Variants in WHRN observed in about 807,000 individuals in gnomAD.
WHRN encodes whirlin.
WHRN carries 41 observed loss-of-function variants against 68.3 expected under a neutral mutation model. That is an observed-to-expected ratio of 0.60 (90% CI 0.47 to 0.78). The LOEUF (loss-of-function observed/expected upper bound fraction) is 0.78. WHRN is among the 30% of genes least tolerant of loss of function. WHRN has a pLI of 0.00. For synonymous variants in WHRN, 560 were observed against 561.3 expected (o/e 1.00, Z 0.03); for missense variants, 1,243 against 1,244.7 (o/e 1.00, Z 0.02).
chr9:114,447,592 G>C (rs1838936977), intron 3 of WHRN, among the ~76,000 whole-genome samples: 1 of 152,146 alleles, frequency 6.6e-6, no homozygotes, highest in Non-Finnish European at 1.5e-5. Flanking sequence ...TTGAAAGCAA[G>C]ACCCCATGTG....
At chr9:114,481,329 T>C (rs1842079366) in intron 1 of WHRN, among the ~76,000 whole-genome samples, 1 of 152,228 alleles carries the variant, frequency 6.6e-6, no homozygotes, top group Admixed American at 6.5e-5. Context: ...CTCTCCAAAA[T>C]TCTGCTTTTA....
chr9:114,467,106 T>A (rs761719917), intron 2 of WHRN, among the ~76,000 whole-genome samples: 3 of 146,906 alleles, frequency 2.0e-5, no homozygotes, highest in Non-Finnish European at 4.5e-5. Flanking sequence ...ACTTCAGGAG[T>A]CTCCTATTTC....
chr9:114,424,864 G>T, intron 5 of WHRN, 124 bp downstream of exon 5: 1 of 1,090,076 alleles, frequency 9.2e-7, no homozygotes, highest in Non-Finnish European at 1.4e-6. Flanking sequence ...TGGGGGGTGG[G>T]CAGATAAGGG....
In WHRN at chr9:114,438,454, C is replaced by CT. The variant is rs869187937; in HGVS notation, c.964-12042dup. On this transcript the variant is annotated intron_variant, in intron 3 of 11. Transcript: ENST00000362057. ...AACGGAATCCCACTTTCTTTTTTTT[C>CT]TTTTTTTTTTTTTTTTGAGACAGAG... Among the ~76,000 whole-genome samples, 526 of 134,154 alleles carry CT rather than the reference C, an allele frequency of 3.9e-3. 3 individuals carry two copies. The highest frequency in any genetic ancestry group is 6.6e-3 in the African/African-American group (239 of 36,368). The allele number at this position is 134,154 out of a possible 152,430, so 88.0% of individuals were successfully genotyped here. A position where few individuals can be genotyped will look rare whatever the true frequency, so the allele number is the denominator to read the frequency against.
intron 1 of WHRN, among the ~76,000 whole-genome samples, chr9:114,486,440 G>A (rs1287620842): frequency 3.3e-5 from 5 of 152,130 alleles, no homozygotes; most frequent in Admixed American, 6.5e-5. Flanking sequence ...GTTCCTTGAG[G>A]CACATTACAT....
intron 1 of WHRN, among the ~76,000 whole-genome samples, chr9:114,500,135 A>G (rs1843797349): frequency 6.6e-6 from 1 of 152,246 alleles, no homozygotes; most frequent in African/African-American, 2.4e-5. Flanking sequence ...TAAATTAAAG[A>G]AATGGATATG....
chr9:114,448,202 T>TTC (rs1344233314), intron 3 of WHRN, among the ~76,000 whole-genome samples: 1 of 152,134 alleles, frequency 6.6e-6, no homozygotes, highest in Non-Finnish European at 1.5e-5. Flanking sequence ...ATTCAGTGAC[T>TTC]TCTGCCCGTA....
At chr9:114,407,846 C>T in intron 8 of WHRN, 101 bp downstream of exon 8, 2 of 1,018,174 alleles carry the variant, frequency 2.0e-6, no homozygotes, top group Admixed American at 2.0e-5. Context: ...TCTCCTTTGC[C>T]ACCCTGTGCC....
intron 7 of WHRN, among the ~76,000 whole-genome samples, chr9:114,410,886 G>A (rs985016961): frequency 6.6e-6 from 1 of 152,236 alleles, no homozygotes; most frequent in Non-Finnish European, 1.5e-5. Context: ...TCACTGATTA[G>A]TGACACTGGT....
intron 3 of WHRN, among the ~76,000 whole-genome samples, chr9:114,455,874 C>T (rs1218067796): frequency 1.3e-5 from 2 of 152,100 alleles, no homozygotes; most frequent in East Asian, 1.9e-4. Flanking sequence ...ATCTACCAGA[C>T]ATCACAGCTG....
chr9:114,496,227 G>A (rs545635402), intron 1 of WHRN, among the ~76,000 whole-genome samples: 5 of 152,246 alleles, frequency 3.3e-5, no homozygotes, highest in Middle Eastern at 3.4e-3. Flanking sequence ...GGACAATGCT[G>A]TCACACTCTG....
chr9:114,423,991 C>A (rs1836560192), intron 6 of WHRN, among the ~76,000 whole-genome samples: 1 of 152,198 alleles, frequency 6.6e-6, no homozygotes, highest in Non-Finnish European at 1.5e-5. Context: ...ACCTGGAGGG[C>A]TTGTGAAGAT....
At chr9:114,442,699 C>T (rs1838477132) in intron 3 of WHRN, among the ~76,000 whole-genome samples, 1 of 152,148 alleles carries the variant, frequency 6.6e-6, no homozygotes, top group South Asian at 2.1e-4. Flanking sequence ...CTCTCTCTTG[C>T]TCCCTCTCTT....
chr9:114,425,818 T>C (rs1364546225), intron 4 of WHRN: 1 of 319,644 alleles, frequency 3.1e-6, no homozygotes, highest in Non-Finnish European at 6.0e-6. Context: ...CTTCATGGGA[T>C]CCAGCCTGGT....
intron 9 of WHRN, among the ~76,000 whole-genome samples, chr9:114,405,066 CTCTCTTT>C (rs1472132576): frequency 6.9e-4 from 82 of 118,684 alleles, no homozygotes; most frequent in Non-Finnish European, 4.9e-4. Context: ...TTCTCTCTCT[CTCTCTTT>C]TTTTTTTTTT....
At position 114,504,570 on chromosome 9, in the gene WHRN, G is replaced by C. The variant is rs992109048; in HGVS notation, c.232C>G (p.Leu78Val). 19 of 1,611,390 alleles carry C rather than the reference G, an allele frequency of 1.2e-5. No individual in the cohort carries two copies. Among genetic ancestry groups the C allele is most frequent in the Non-Finnish European group, 1.6e-5 (19 of 1,179,796 alleles). The change falls in exon 1 of 12, where the codon CTG becomes GTG. Residue 78 changes from leucine (L) to valine (V), a missense_variant. Transcript: ENST00000362057. ...RRNVFDLVRT[L>V]RVLLDSPVKR... The stretch of plus-strand genomic sequence containing the variant: ...ACCGGACTGTCCAGCAGCACGCGCA[G>C]GGTGCGCACCAGGTCGAAGACGTTG...
chr9:114,462,274 T>C (rs1840308689), intron 3 of WHRN, among the ~76,000 whole-genome samples: 2 of 152,322 alleles, frequency 1.3e-5, no homozygotes, highest in South Asian at 4.1e-4. Flanking sequence ...CTTCATCTCT[T>C]TTCCTGTCCC....
At chr9:114,436,577 C>T (rs1228716025) in intron 3 of WHRN, among the ~76,000 whole-genome samples, 1 of 152,124 alleles carries the variant, frequency 6.6e-6, no homozygotes, top group Admixed American at 6.5e-5. Context: ...GCCTGTAATC[C>T]CAGCACCTTG....
intron 3 of WHRN, among the ~76,000 whole-genome samples, chr9:114,446,115 C>T (rs555278446): frequency 1.0e-3 from 158 of 152,132 alleles, no homozygotes; most frequent in Middle Eastern, 3.2e-3. Flanking sequence ...GGAAACAACC[C>T]AAACGTCCAT....
Sources: allele counts gnomAD v4.1 joint callset (sites outside exome capture counted in the v4.1 genomes callset), GRCh38; gene constraint gnomAD v4.1.1; transcripts MANE v1.5; gene names NCBI Gene and HGNC (gene_info 2026-07-23, HGNC 2026-07-21).